Variants in KCNH1 observed in about 807,000 individuals in gnomAD.
KCNH1 encodes potassium voltage-gated channel subfamily H member 1.
Under a neutral mutation model 69.2 loss-of-function variants are expected in KCNH1, and 27 were observed. The observed-to-expected ratio is 0.39, with a 90% CI of 0.29 to 0.54. The LOEUF (loss-of-function observed/expected upper bound fraction) is 0.54, where lower values mean the gene tolerates loss of function less well. Among genes scored for constraint, KCNH1 ranks in the 20% least tolerant of loss-of-function variants. The pLI is 0.68. For synonymous variants in KCNH1, 456 were observed against 487.7 expected (o/e 0.93, Z 0.86); for missense variants, 798 against 1,261.6 (o/e 0.63, Z 5.57).
At chr1:211,107,516 G>A (rs879105710) in intron 1 of KCNH1, 139 bp from the exon 2 acceptor site, 23 of 831,496 alleles carry the variant, frequency 2.8e-5, no homozygotes, top group South Asian at 8.2e-5. Context: ...CAGAAATGTC[G>A]CCCTGTAAGG....
rs544078841 is a variant in KCNH1 at position 210,884,803 on chromosome 1, C to T, written c.1462+34837G>A. Among the ~76,000 whole-genome samples the T allele has an allele frequency of 2.0e-3, 297 of 152,290 alleles. 1 individual carries two copies. The highest frequency in any genetic ancestry group is 6.7e-3 in the African/African-American group (279 of 41,564). ...CAGACATTCATGCCAGTTTGTACCG[C>T]GATTCCTGAACTGATGGCTTAACGG... On this transcript the variant is annotated intron_variant, in intron 7 of 10. Transcript: ENST00000271751.
Position 210,910,368 on chromosome 1 carries a change from C to T in KCNH1, c.1462+9272G>A, listed in dbSNP as rs574368051. ...CACATGGTAAACAGTCAGAGGTGGT[C>T]ATCAAGCACTAGCCTACGGCAAAAA... On this transcript the variant is annotated intron_variant, in intron 7 of 10. Coordinates refer to ENST00000271751, the MANE Select transcript of KCNH1 (RefSeq NM_172362.3). Among the ~76,000 whole-genome samples the T allele has an allele frequency of 2.0e-5, 3 of 152,062 alleles. No individual in the cohort carries two copies. In the East Asian group the frequency reaches 5.8e-4, roughly 29 times the overall value.
At chr1:210,892,579 T>G (rs1429108725) in intron 7 of KCNH1, among the ~76,000 whole-genome samples, 1 of 152,092 alleles carries the variant, frequency 6.6e-6, no homozygotes, top group African/African-American at 2.4e-5. Flanking sequence ...ATGAGTTCAT[T>G]TAAGAAGTAA....
intron 6 of KCNH1, among the ~76,000 whole-genome samples, chr1:211,000,055 C>T (rs1040256624): frequency 3.3e-5 from 5 of 152,164 alleles, no homozygotes; most frequent in Admixed American, 6.5e-5. Context: ...CAGCCAATAT[C>T]ATACTGAATG....
chr1:210,898,333 C>A (rs1006512048), intron 7 of KCNH1, among the ~76,000 whole-genome samples: 14 of 152,096 alleles, frequency 9.2e-5, no homozygotes, highest in Admixed American at 9.2e-4. Context: ...TTATTCTACT[C>A]GAAACAATAA....
chr1:210,915,852 A>G (rs1018241554), intron 7 of KCNH1, among the ~76,000 whole-genome samples: 1 of 152,214 alleles, frequency 6.6e-6, no homozygotes, highest in Non-Finnish European at 1.5e-5. Context: ...CGGATAATCT[A>G]TATTATGGCT....
chr1:210,817,640 T>C (rs1684845875), intron 7 of KCNH1, among the ~76,000 whole-genome samples: 1 of 152,150 alleles, frequency 6.6e-6, no homozygotes, highest in Admixed American at 6.5e-5. Flanking sequence ...CTAGATACTG[T>C]CCTAATGCTT....
chr1:210,906,622 A>G (rs988209737), intron 7 of KCNH1, among the ~76,000 whole-genome samples: 16 of 152,204 alleles, frequency 1.1e-4, no homozygotes, highest in African/African-American at 3.9e-4. Context: ...AATTTTAAAA[A>G]CAGAATGTCC....
chr1:210,992,985 T>C (rs947946690), intron 6 of KCNH1, among the ~76,000 whole-genome samples: 4 of 152,154 alleles, frequency 2.6e-5, no homozygotes, highest in Non-Finnish European at 4.4e-5. Context: ...CCTCCACCCA[T>C]GTCTCTGAGG....
intron 7 of KCNH1, among the ~76,000 whole-genome samples, chr1:210,901,396 A>G (rs1048633498): frequency 5.9e-5 from 9 of 152,140 alleles, no homozygotes; most frequent in African/African-American, 2.2e-4. Flanking sequence ...TCCTCCTCAC[A>G]GGACTCTGCC....
intron 7 of KCNH1, among the ~76,000 whole-genome samples, chr1:210,869,753 G>A (rs1282118585): frequency 1.3e-5 from 2 of 151,918 alleles, no homozygotes; most frequent in Admixed American, 1.3e-4. Flanking sequence ...ACTTATTTTG[G>A]AATGCCCTCA....
At chr1:210,802,991 T>C (rs1441775622) in intron 8 of KCNH1, among the ~76,000 whole-genome samples, 3 of 152,200 alleles carry the variant, frequency 2.0e-5, no homozygotes, top group African/African-American at 7.2e-5. Context: ...TCCATAGATC[T>C]GGTGAAGGCT....
intron 6 of KCNH1, among the ~76,000 whole-genome samples, chr1:210,975,402 T>A (rs1341543005): frequency 6.6e-6 from 1 of 152,112 alleles, no homozygotes; most frequent in Non-Finnish European, 1.5e-5. Context: ...AAAACAGAGA[T>A]GTAGACCAAT....
chr1:210,943,658 C>T (rs2102590831), intron 6 of KCNH1, among the ~76,000 whole-genome samples: 1 of 152,182 alleles, frequency 6.6e-6, no homozygotes, highest in Non-Finnish European at 1.5e-5. Context: ...GGCCTCTCTC[C>T]TTCTTTTTAA....
At chr1:211,095,036 A>G (rs1378780641) in intron 3 of KCNH1, among the ~76,000 whole-genome samples, 1 of 152,176 alleles carries the variant, frequency 6.6e-6, no homozygotes, top group Non-Finnish European at 1.5e-5. Context: ...CCATTCAGAC[A>G]CTGACTTTCC....
chr1:210,735,731 C>T (rs1682861939), intron 10 of KCNH1, among the ~76,000 whole-genome samples: 1 of 151,888 alleles, frequency 6.6e-6, no homozygotes, highest in South Asian at 2.1e-4. Context: ...CAGTTGAGTG[C>T]ACAGGTCCAG....
At chr1:210,822,076 A>C (rs947469178) in intron 7 of KCNH1, among the ~76,000 whole-genome samples, 5 of 152,066 alleles carry the variant, frequency 3.3e-5, no homozygotes, top group Non-Finnish European at 7.4e-5. Flanking sequence ...TCTCAGATGC[A>C]ATGTCCAATA....
At position 210,678,616 on chromosome 1, in the gene KCNH1, A is replaced by C. The variant is rs1164655249; in HGVS notation, c.*4665T>G. 6.6e-6 allele frequency: 1 copy of C among 152,248 alleles called. No homozygotes were observed. The highest frequency in any genetic ancestry group is 2.4e-5 in the African/African-American group (1 of 41,458). 9.4% of individuals were successfully genotyped at this position (152,248 alleles called of 1,614,324 possible). A position where few individuals can be genotyped will look rare whatever the true frequency, so the allele number is the denominator to read the frequency against. Reference sequence around the variant, plus strand: ...GGCAGGACTCAATGGAAAGAGTATTAATATAAGGAGAAGCCCCAGAATGAT... The same window carrying C: ...GGCAGGACTCAATGGAAAGAGTATTCATATAAGGAGAAGCCCCAGAATGAT... On this transcript the variant is annotated 3_prime_UTR_variant, in exon 11 of 11. Transcript: ENST00000271751.
At chr1:211,033,937 C>G (rs1479370859) in intron 5 of KCNH1, among the ~76,000 whole-genome samples, 3 of 151,852 alleles carry the variant, frequency 2.0e-5, no homozygotes, top group Non-Finnish European at 4.4e-5. Flanking sequence ...GTGACAACAC[C>G]AACTGCTGGT....
Sources: allele counts gnomAD v4.1 joint callset (sites outside exome capture counted in the v4.1 genomes callset), GRCh38; gene constraint gnomAD v4.1.1; transcripts MANE v1.5; gene names NCBI Gene and HGNC (gene_info 2026-07-23, HGNC 2026-07-21).